XCR1: variants seen among roughly 807,000 people sequenced by gnomAD.
XCR1 encodes X-C motif chemokine receptor 1.
For missense variants in XCR1, 356 were observed against 424.2 expected, an observed-to-expected ratio of 0.84 and a Z score of 1.41; for synonymous variants, 187 against 188.5, an observed-to-expected ratio of 0.99 and a Z score of 0.06.
rs2125892722 is a variant in XCR1 at position 46,021,475 on chromosome 3, A to G, written c.473T>C (p.Ile158Thr). The change falls in exon 2 of 2, where the codon ATC becomes ACC. Residue 158 changes from isoleucine to threonine, a missense_variant. Transcript: ENST00000309285. The surrounding 1 kb of genome is among the most constrained non-coding windows in gnomAD (Gnocchi z 4.7). ...GATGGTGTCGAGGATGGAGGACAGG[A>G]TGCTGGCTACCCACACAGCCATGGT... Reference protein sequence around the residue: ...LVTMAVWVASILSSILDTIFH... With the variant: ...LVTMAVWVASTLSSILDTIFH... 1 of 1,613,900 alleles carries G rather than the reference A, an allele frequency of 6.2e-7. No individual in the cohort carries two copies. Among genetic ancestry groups the G allele is most frequent in the Non-Finnish European group, 8.5e-7 (1 of 1,179,898 alleles).
At chr3:46,037,620 G>C (rs991630610) in intron 5 of XCR1, among the ~76,000 whole-genome samples, 2 of 152,140 alleles carry the variant, frequency 1.3e-5, no homozygotes, top group Non-Finnish European at 2.9e-5. Context: ...TGCACACACA[G>C]AGAAAATAGA....
intron 5 of XCR1, among the ~76,000 whole-genome samples, chr3:46,050,480 G>A (rs1314974442): frequency 6.6e-6 from 1 of 152,140 alleles, no homozygotes; most frequent in East Asian, 1.9e-4. Flanking sequence ...GAGCAATTTT[G>A]AGATTCCATT....
chr3:46,022,553 A>C (rs562184692), intron 1 of XCR1, among the ~76,000 whole-genome samples: 16 of 152,372 alleles, frequency 1.1e-4, no homozygotes, highest in African/African-American at 3.6e-4. Flanking sequence ...GAATTACAAA[A>C]GGAGGAGAGT....
Position 46,080,597 on chromosome 3 carries a change from C to T in XCR1, c.-514-3671G>A, listed in dbSNP as rs897682167. Among the ~76,000 whole-genome samples, 10 of 152,028 alleles carry T rather than the reference C, an allele frequency of 6.6e-5. No homozygotes were observed. In the South Asian group the frequency reaches 2.1e-3, roughly 32 times the overall value. On this transcript the variant is annotated intron_variant, in intron 1 of 5. Transcript: ENST00000683768. ...ACAACAAAAAACCCCAGCCCCCCTG[C>T]CAAACAAACAAACAAGAACTTTATT...
At chr3:46,064,854 G>A (rs571191897) in intron 4 of XCR1, among the ~76,000 whole-genome samples, 161 of 152,340 alleles carry the variant, frequency 1.1e-3, no homozygotes, top group African/African-American at 2.8e-3. Context: ...CACTGTGGGA[G>A]GCTGAGGTGG....
At chr3:46,044,514 A>C (rs1335154861) in intron 5 of XCR1, among the ~76,000 whole-genome samples, 4 of 152,176 alleles carry the variant, frequency 2.6e-5, no homozygotes, top group African/African-American at 7.2e-5. Flanking sequence ...CATTCTGTAC[A>C]TTGTCAATAA....
At chr3:46,030,153 CT>C (rs1257044922), upstream of XCR1, among the ~76,000 whole-genome samples, 2 of 151,826 alleles carry the variant, frequency 1.3e-5, no homozygotes, top group Non-Finnish European at 2.9e-5. Flanking sequence ...AATCTGGGTA[CT>C]TTTCCCCCCA....
At chr3:46,065,820 G>A (rs1698058900) in intron 4 of XCR1, among the ~76,000 whole-genome samples, 1 of 152,190 alleles carries the variant, frequency 6.6e-6, no homozygotes, top group African/African-American at 2.4e-5. Flanking sequence ...AATGTGTGTA[G>A]GGTCCTAGAT....
chr3:46,059,415 A>G (rs1268742655), intron 4 of XCR1, among the ~76,000 whole-genome samples: 1 of 152,168 alleles, frequency 6.6e-6, no homozygotes, highest in East Asian at 1.9e-4. Flanking sequence ...TTGGTTGTTC[A>G]TTTTGCTTGG....
intron 1 of XCR1, chr3:46,023,854 G>A: frequency 1.3e-6 from 2 of 1,526,494 alleles, no homozygotes; most frequent in Non-Finnish European, 9.1e-7. Context: ...ATTCCTTGTG[G>A]CTGAGAATGA....
intron 5 of XCR1, among the ~76,000 whole-genome samples, chr3:46,047,713 C>A (rs1230731125): frequency 6.6e-6 from 1 of 152,184 alleles, no homozygotes; most frequent in Non-Finnish European, 1.5e-5. Context: ...CCATGCCAAG[C>A]AATCTGGGTG....
chr3:46,043,185 A>T (rs1462892159), intron 5 of XCR1, among the ~76,000 whole-genome samples: 2 of 151,882 alleles, frequency 1.3e-5, no homozygotes, highest in African/African-American at 4.8e-5. Flanking sequence ...TTATGCCTGT[A>T]ACCCCAGCAC....
chr3:46,037,035 G>A (rs911943197), intron 5 of XCR1, among the ~76,000 whole-genome samples: 2 of 152,106 alleles, frequency 1.3e-5, no homozygotes, highest in African/African-American at 4.8e-5. Flanking sequence ...AATTAAGGAA[G>A]GGTTATGATA....
chr3:46,027,698 C>T (rs1376332892), upstream of XCR1: 1 of 152,180 alleles, frequency 6.6e-6, no homozygotes, highest in Non-Finnish European at 1.5e-5. Flanking sequence ...AGAAAAGAGC[C>T]TGCATGTTTG....
intron 1 of XCR1, among the ~76,000 whole-genome samples, chr3:46,085,711 C>A (rs1391887835): frequency 6.6e-6 from 1 of 151,804 alleles, no homozygotes; most frequent in Non-Finnish European, 1.5e-5. Context: ...AATGCCGGCA[C>A]CCCCAACCCC....
At chr3:46,029,820 C>A (rs1176385074), upstream of XCR1, among the ~76,000 whole-genome samples, 3 of 148,572 alleles carry the variant, frequency 2.0e-5, no homozygotes, top group African/African-American at 7.7e-5. Flanking sequence ...CTTCTATTTA[C>A]ATATGTCTTC....
At chr3:46,050,165 G>A (rs60991632) in intron 5 of XCR1, among the ~76,000 whole-genome samples, 28,869 of 152,136 alleles carry the variant, frequency 0.19, 2,897 homozygotes, top group Middle Eastern at 0.32. Flanking sequence ...CAGTTGTAGC[G>A]GTGAGGCATG....
upstream of XCR1, among the ~76,000 whole-genome samples, chr3:46,029,283 A>G (rs1346203340): frequency 2.0e-4 from 31 of 152,150 alleles, no homozygotes; most frequent in Non-Finnish European, 4.3e-4. Flanking sequence ...GGCTCACTGC[A>G]GCTTCAATCT....
intron 4 of XCR1, among the ~76,000 whole-genome samples, chr3:46,057,515 G>C (rs1226329827): frequency 6.6e-6 from 1 of 152,114 alleles, no homozygotes; most frequent in Non-Finnish European, 1.5e-5. Context: ...ATTATACCTT[G>C]TGATAGCCAG....
Sources: gnomAD v4.1 joint callset for allele counts (sites outside exome capture counted in the v4.1 genomes callset) on GRCh38, gnomAD v4.1.1 for gene constraint, Gnocchi (gnomAD v3.1) non-coding constraint, MANE v1.5 for transcripts, NCBI Gene and HGNC (gene_info 2026-07-23, HGNC 2026-07-21) for gene names.